The following CBLB variants were observed in gnomAD, a reference collection of about 807,000 sequenced individuals.
CBLB encodes E3 ubiquitin-protein ligase CBL-B.
Under a neutral mutation model 104.9 loss-of-function variants are expected in CBLB, and 31 were observed. The ratio of observed to expected loss-of-function variants is 0.30; its 90% CI spans 0.22 to 0.40. The LOEUF is 0.40. CBLB is among the 10% of genes least tolerant of loss of function. The probability of loss-of-function intolerance (pLI) is 1.00; values close to 1 mark genes in which losing one functional copy is unlikely to be tolerated. For missense variants in CBLB, 1,062 were observed against 1,214.6 expected, an observed-to-expected ratio of 0.87 and a Z score of 1.87; for synonymous variants, 440 against 422.6, an observed-to-expected ratio of 1.04 and a Z score of -0.51.
rs774686700 is a variant in CBLB, at chr3:105,658,933, C to T, written c.*37G>A. 1.9e-6 allele frequency: 3 copies of T among 1,604,026 alleles called. No homozygotes were observed. Among genetic ancestry groups the T allele is most frequent in the Admixed American group, 1.7e-5 (1 of 59,974 alleles). Reference sequence around the variant, plus strand: ...TTATTTCCACACTCTTGGAATACATCGATTGCTTTCCATTTTGGTGTCTAC... The same window carrying T: ...TTATTTCCACACTCTTGGAATACATTGATTGCTTTCCATTTTGGTGTCTAC... On this transcript the variant is annotated 3_prime_UTR_variant, in exon 19 of 19. Transcript: ENST00000394030.
At chr3:105,862,815 C>T (rs2092197831) in intron 2 of CBLB, among the ~76,000 whole-genome samples, 1 of 152,150 alleles carries the variant, frequency 6.6e-6, no homozygotes, top group African/African-American at 2.4e-5. Context: ...CTAACATGTC[C>T]TCCATCTCAC....
intron 3 of CBLB, among the ~76,000 whole-genome samples, chr3:105,800,490 T>C (rs1254412939): frequency 6.6e-6 from 1 of 152,164 alleles, no homozygotes; most frequent in African/African-American, 2.4e-5. Flanking sequence ...AGCACTGGTA[T>C]TGCTTTAAGA....
chr3:105,833,110 A>G (rs2087827140), intron 3 of CBLB, among the ~76,000 whole-genome samples: 1 of 152,164 alleles, frequency 6.6e-6, no homozygotes, highest in South Asian at 2.1e-4. Flanking sequence ...GTGTCGTGAA[A>G]TGAATCTAGA....
At chr3:105,868,599 T>C in intron 1 of CBLB, 137 bp downstream of exon 1, 1 of 516,202 alleles carries the variant, frequency 1.9e-6, no homozygotes. Flanking sequence ...ATGCCCCACT[T>C]CAAACTGGAC....
chr3:105,678,529 G>A lies in CBLB; in HGVS notation c.2471C>T (p.Pro824Leu), dbSNP rs770484907. 1.2e-6 allele frequency: 2 copies of A among 1,613,804 alleles called. No individual in the cohort carries two copies. ...FDALPPSLPP[P>L]PPPARHSLIE... ...GAGACTATGCCTTGCAGGAGGTGGG[G>A]GAGGTGGGAGAGATGGAGGGAGGGC... Residue 824 changes from proline to leucine, a missense_variant, in exon 17 of 19, where the codon CCC becomes CTC. By Grantham distance (98) the Pro-to-Leu change is moderately conservative. Around this residue, in one of 2 missense-constraint regions of CBLB, gnomAD observed 605 missense variants for 582.6 expected, o/e 1.04. Transcript: ENST00000394030.
intron 3 of CBLB, among the ~76,000 whole-genome samples, chr3:105,789,310 G>A (rs562220222): frequency 6.6e-6 from 1 of 152,236 alleles, no homozygotes; most frequent in South Asian, 2.1e-4. Flanking sequence ...TGGGTAGAAA[G>A]TATCAAACAT....
chr3:105,743,038 A>G (rs2075764441), intron 6 of CBLB, among the ~76,000 whole-genome samples: 1 of 152,130 alleles, frequency 6.6e-6, no homozygotes, highest in South Asian at 2.1e-4. Flanking sequence ...TCTTCCTCTC[A>G]TGCACCTTTT....
intron 9 of CBLB, among the ~76,000 whole-genome samples, chr3:105,723,770 C>A (rs1197602224): frequency 7.2e-5 from 11 of 151,894 alleles, no homozygotes; most frequent in Admixed American, 7.2e-4. Flanking sequence ...ATCTTAAATA[C>A]CTTCTTTTAA....
At chr3:105,667,140 G>A (rs1310882195) in intron 18 of CBLB, among the ~76,000 whole-genome samples, 1 of 152,100 alleles carries the variant, frequency 6.6e-6, no homozygotes, top group Admixed American at 6.6e-5. Context: ...ATTTTATAAT[G>A]AGATTGGCTT....
Position 105,704,186 on chromosome 3 carries a change from AAG to A in CBLB, c.1408-15_1408-14del, listed in dbSNP as rs1347584663. ...GCCTGTCAGTGCACTAGAACAGAAA[AAG>A]AGAAAGATGCCGCTGTTTATTAGCT... On this transcript the variant is annotated splice_polypyrimidine_tract_variant and intron_variant, in intron 10 of 18. Transcript: ENST00000394030. The A allele has an allele frequency of 1.2e-6, 2 of 1,612,862 alleles. No individual in the cohort carries two copies. The highest frequency in any genetic ancestry group is 3.3e-5 in the Admixed American group (2 of 59,992).
intron 6 of CBLB, among the ~76,000 whole-genome samples, chr3:105,744,095 TAAGAG>T (rs1489981504): frequency 3.3e-5 from 5 of 152,328 alleles, no homozygotes; most frequent in Admixed American, 1.3e-4. Context: ...AGTTTTTTAC[TAAGAG>T]AACTTTTCCA....
At chr3:105,684,158 CT>C (rs1399573636) in intron 14 of CBLB, among the ~76,000 whole-genome samples, 6 of 152,196 alleles carry the variant, frequency 3.9e-5, no homozygotes, top group African/African-American at 1.4e-4. Context: ...GCCATCTCCC[CT>C]ATCCCTCAGT....
Position 105,867,447 on chromosome 3 carries a change from C to G in CBLB, c.131G>C (p.Arg44Thr). Residue 44 changes from arginine (R) to threonine (T), a missense_variant, in exon 2 of 19, where the codon AGG becomes ACG. Physicochemically the swap from Arg to Thr is moderately conservative, Grantham distance 71. This residue lies in a region of CBLB where 457 missense variants were observed against 632.0 expected (regional missense o/e 0.72). Transcript: ENST00000394030. The part of the protein sequence containing the change: ...GPPKQAAADR[R>T]TVEKTWKLMD... ...GAGCTTCCAAGTCTTCTCCACGGTC[C>G]TGCGATCTGCGGCAGCTTGCTTAGG... is the stretch of plus-strand genomic sequence containing the variant. 2 of 1,614,180 alleles carry G rather than the reference C, an allele frequency of 1.2e-6. No homozygotes were observed. Among genetic ancestry groups the G allele is most frequent in the Non-Finnish European group, 1.7e-6 (2 of 1,180,022 alleles).
intron 10 of CBLB, among the ~76,000 whole-genome samples, chr3:105,716,846 C>G (rs901667539): frequency 6.6e-6 from 1 of 152,114 alleles, no homozygotes; most frequent in Non-Finnish European, 1.5e-5. Context: ...TGCTTGAGAT[C>G]ATCATTCTAC....
chr3:105,781,758 T>C (rs1422550984), intron 3 of CBLB, among the ~76,000 whole-genome samples: 2 of 152,138 alleles, frequency 1.3e-5, no homozygotes, highest in East Asian at 3.9e-4. Flanking sequence ...CCATTTTCAG[T>C]GAGGTGAAAA....
chr3:105,692,129 A>T (rs2067784859), intron 13 of CBLB, among the ~76,000 whole-genome samples: 1 of 152,182 alleles, frequency 6.6e-6, no homozygotes, highest in African/African-American at 2.4e-5. Flanking sequence ...CTGCAGATGA[A>T]GGAATGAAGA....
chr3:105,752,183 CTT>C (rs2076653674), intron 4 of CBLB, among the ~76,000 whole-genome samples: 1 of 152,150 alleles, frequency 6.6e-6, no homozygotes, highest in Non-Finnish European at 1.5e-5. Flanking sequence ...AAAAGAAAAA[CTT>C]AATTTTTAAA....
At chr3:105,830,522 C>A (rs986024333) in intron 3 of CBLB, among the ~76,000 whole-genome samples, 2 of 152,076 alleles carry the variant, frequency 1.3e-5, no homozygotes, top group Non-Finnish European at 2.9e-5. Flanking sequence ...AAGACAGGAG[C>A]CAGATTAAAA....
intron 17 of CBLB, among the ~76,000 whole-genome samples, chr3:105,674,972 C>T (rs1374497262): frequency 6.6e-6 from 1 of 152,126 alleles, no homozygotes; most frequent in African/African-American, 2.4e-5. Flanking sequence ...TAGGACACTG[C>T]AATTTGACAA....
Sources: gnomAD v4.1 joint callset for allele counts (sites outside exome capture counted in the v4.1 genomes callset) on GRCh38, gnomAD v4.1.1 for gene constraint, gnomAD v4.1.1 regional missense constraint, MANE v1.5 for transcripts, NCBI Gene and HGNC (gene_info 2026-07-23, HGNC 2026-07-21) for gene names.